Variants in RFX2 observed in about 807,000 individuals in gnomAD.
The protein encoded by RFX2 is DNA-binding protein RFX2.
In RFX2, 20 loss-of-function variants were observed where a neutral mutation model predicts 87.8. The observed-to-expected ratio is 0.23, with a 90% CI of 0.16 to 0.33. RFX2 has a LOEUF of 0.33. RFX2 is among the 10% of genes least tolerant of loss of function. The probability of loss-of-function intolerance (pLI) is 1.00; values close to 1 mark genes in which losing one functional copy is unlikely to be tolerated. For missense variants in RFX2, 767 were observed against 1,012.3 expected, an observed-to-expected ratio of 0.76 and a Z score of 3.29; for synonymous variants, 397 against 431.3, an observed-to-expected ratio of 0.92 and a Z score of 0.98.
At position 6,010,854 on chromosome 19, in the gene RFX2, C is replaced by T. The variant is rs1040134000; in HGVS notation, c.900-603G>A. Among the ~76,000 whole-genome samples, 9 of 152,206 alleles carry T rather than the reference C, an allele frequency of 5.9e-5. No individual in the cohort carries two copies. Among genetic ancestry groups the T allele is most frequent in the African/African-American group, 1.2e-4 (5 of 41,440 alleles). ...ATTCTTGGCCGGGCGCAGGGGCTCA[C>T]GCCTGTAATCCCAGTGCTTTGGGAG... On this transcript the variant is annotated intron_variant, in intron 8 of 17. Coordinates refer to ENST00000303657, the MANE Select transcript of RFX2 (RefSeq NM_000635.4). This position sits in a 1 kb window ranked among gnomAD's most constrained non-coding sequence, Gnocchi z 5.0.
intron 1 of RFX2, among the ~76,000 whole-genome samples, chr19:6,075,405 G>T (rs1408977675): frequency 6.6e-6 from 1 of 152,182 alleles, no homozygotes; most frequent in Non-Finnish European, 1.5e-5. Flanking sequence ...CAATCTGACA[G>T]ATATTTTGGA....
chr19:6,079,223 T>C (rs2087741872), intron 1 of RFX2, among the ~76,000 whole-genome samples: 1 of 152,232 alleles, frequency 6.6e-6, no homozygotes. Context: ...TTAGTGTACT[T>C]GGTCTAGAGT....
chr19:6,059,381 G>A (rs949331240), intron 1 of RFX2, among the ~76,000 whole-genome samples: 1 of 152,106 alleles, frequency 6.6e-6, no homozygotes, highest in Non-Finnish European at 1.5e-5. Context: ...ACCAAATTCA[G>A]GGTGAATTTT....
chr19:6,097,484 A>C (rs1022904518), intron 1 of RFX2, among the ~76,000 whole-genome samples: 6 of 152,206 alleles, frequency 3.9e-5, no homozygotes, highest in Admixed American at 2.6e-4. Flanking sequence ...CGTGATCATC[A>C]TTCCAATTCC....
At chr19:6,079,547 G>C (rs1283930579) in intron 1 of RFX2, among the ~76,000 whole-genome samples, 1 of 152,214 alleles carries the variant, frequency 6.6e-6, no homozygotes, top group Non-Finnish European at 1.5e-5. Context: ...ACTACAGAGA[G>C]AGGTTGGACT....
chr19:6,023,153 G>A lies in RFX2; in HGVS notation c.597+3010C>T, dbSNP rs544574124. On this transcript the variant is annotated intron_variant, in intron 6 of 17. Transcript: ENST00000303657. The surrounding 1 kb of genome is among the most constrained non-coding windows in gnomAD (Gnocchi z 4.9). ...TCTGACGTCACCAGCTGGCAGCAAG[G>A]AAGAGGCGCACAGGCCCTGCTGCTG... The A allele has an allele frequency of 6.5e-6, 1 of 152,732 alleles. No homozygotes were observed. The highest frequency in any genetic ancestry group is 2.1e-4 in the South Asian group (1 of 4,836). 9.5% of individuals were successfully genotyped at this position (152,732 alleles called of 1,614,324 possible). A position where few individuals can be genotyped will look rare whatever the true frequency, so the allele number is the denominator to read the frequency against.
chr19:5,997,990 G>T lies in RFX2; in HGVS notation c.1860-777C>A, dbSNP rs1456514922. 6.6e-6 allele frequency among the ~76,000 whole-genome samples: 1 copy of T among 152,072 alleles called. No homozygotes were observed. On this transcript the variant is annotated intron_variant, in intron 15 of 17. Coordinates refer to ENST00000303657, the MANE Select transcript of RFX2 (RefSeq NM_000635.4). This position sits in a 1 kb window ranked among gnomAD's most constrained non-coding sequence, Gnocchi z 4.2. Reference sequence around the variant, plus strand: ...TACCTGGTTCTTTCTGGGAGAGGCGGCCCCTGACCTAAAGGATCAGTATAA... The same window carrying T: ...TACCTGGTTCTTTCTGGGAGAGGCGTCCCCTGACCTAAAGGATCAGTATAA...
Position 6,044,215 on chromosome 19 carries a change from C to T in RFX2, c.158G>A (p.Arg53Lys). ...TACCTGCTGGGGTACCTGCTGAACT[C>T]TGGGGAGGGAGATCGGCTGCATCTG... is the stretch of plus-strand genomic sequence containing the variant. ...GAQMQPISLP[R>K]VQQVPQQVQP... The change falls in exon 3 of 18, where the codon AGA becomes AAA. Residue 53 changes from arginine to lysine, a missense_variant. Around this residue, in one of 2 missense-constraint regions of RFX2, gnomAD observed 146 missense variants for 139.2 expected, o/e 1.05. Coordinates refer to ENST00000303657, the MANE Select transcript of RFX2 (RefSeq NM_000635.4). The surrounding 1 kb of genome is among the most constrained non-coding windows in gnomAD (Gnocchi z 5.3). The T allele has an allele frequency of 6.3e-7, 1 of 1,576,878 alleles. No homozygotes were observed. The highest frequency in any genetic ancestry group is 8.6e-7 in the Non-Finnish European group (1 of 1,161,752).
intron 1 of RFX2, among the ~76,000 whole-genome samples, chr19:6,060,765 T>C (rs1339433775): frequency 1.3e-5 from 2 of 151,842 alleles, no homozygotes; most frequent in African/African-American, 4.8e-5. Context: ...GTTTCATTTT[T>C]CCCCCTAATG....
Position 5,997,889 on chromosome 19 carries a change from T to C in RFX2, c.1860-676A>G, listed in dbSNP as rs900750982. Among the ~76,000 whole-genome samples the C allele has an allele frequency of 3.3e-5, 5 of 152,200 alleles. No homozygotes were observed. Among genetic ancestry groups the C allele is most frequent in the African/African-American group, 7.2e-5 (3 of 41,448 alleles). On this transcript the variant is annotated intron_variant, in intron 15 of 17. Transcript: ENST00000303657. This position sits in a 1 kb window ranked among gnomAD's most constrained non-coding sequence, Gnocchi z 4.2. ...TGGAAATTACATGAAATTCACATTT[T>C]GGTGTCCACAGACAGTTTCACTGGC...
In RFX2 at chr19:5,997,317, G is replaced by C; in HGVS notation, c.1860-104C>G. Reference sequence around the variant, plus strand: ...ACACACCCCCTGCTCTACGTTCCCTGGGGAACCCAGAGGCTGAGTGATCCT... The same window carrying C: ...ACACACCCCCTGCTCTACGTTCCCTCGGGAACCCAGAGGCTGAGTGATCCT... On this transcript the variant is annotated intron_variant, in intron 15 of 17. Coordinates refer to ENST00000303657, the MANE Select transcript of RFX2 (RefSeq NM_000635.4). This position sits in a 1 kb window ranked among gnomAD's most constrained non-coding sequence, Gnocchi z 4.2. The C allele has an allele frequency of 7.7e-7, 1 of 1,294,100 alleles. No individual in the cohort carries two copies. Among genetic ancestry groups the C allele is most frequent in the Non-Finnish European group, 1.0e-6 (1 of 966,414 alleles). The allele number at this position is 1,294,100 out of a possible 1,614,324, so 80.2% of individuals were successfully genotyped here.
chr19:6,108,194 T>G (rs2088250763), intron 1 of RFX2, among the ~76,000 whole-genome samples: 1 of 152,222 alleles, frequency 6.6e-6, no homozygotes, highest in East Asian at 1.9e-4. Context: ...GTACCACGCC[T>G]GTTGATGAAG....
chr19:6,033,784 TAACA>T (rs749096455), intron 5 of RFX2, among the ~76,000 whole-genome samples: 2 of 151,808 alleles, frequency 1.3e-5, no homozygotes, highest in Non-Finnish European at 1.5e-5. Flanking sequence ...GCAACAAATG[TAACA>T]AACAAACAAC....
chr19:6,037,265 C>A (rs1212209057), intron 5 of RFX2, among the ~76,000 whole-genome samples: 6 of 138,240 alleles, frequency 4.3e-5, no homozygotes, highest in Non-Finnish European at 9.2e-5. Context: ...GCCTGGGCGA[C>A]AGAGAGAGAC....
In RFX2 at chr19:6,044,628, GCC is replaced by G. The variant is rs1241741271; in HGVS notation, c.91-348_91-347del. Among the ~76,000 whole-genome samples, 2 of 152,208 alleles carry G rather than the reference GCC, an allele frequency of 1.3e-5. No individual in the cohort carries two copies. Among genetic ancestry groups the G allele is most frequent in the Non-Finnish European group, 2.9e-5 (2 of 68,032 alleles). On this transcript the variant is annotated intron_variant, in intron 2 of 17. Coordinates refer to ENST00000303657, the MANE Select transcript of RFX2 (RefSeq NM_000635.4). This position sits in a 1 kb window ranked among gnomAD's most constrained non-coding sequence, Gnocchi z 5.3. Reference sequence around the variant, plus strand: ...CACCTTCACCCGCCCAGGCAGCTTTGCCTCTGTGGGTCTGTAGTCTGCAGCAA... The same window carrying G: ...CACCTTCACCCGCCCAGGCAGCTTTGTCTGTGGGTCTGTAGTCTGCAGCAA...
intron 6 of RFX2, among the ~76,000 whole-genome samples, chr19:6,025,835 G>C (rs951098352): frequency 6.7e-6 from 1 of 148,890 alleles, no homozygotes; most frequent in African/African-American, 2.5e-5. Context: ...GCCCAGGCTG[G>C]ACTGCAGTGG....
At position 6,033,143 on chromosome 19, in the gene RFX2, GGACC is replaced by G. The variant is rs2086972158; in HGVS notation, c.522+6833_522+6836del. Among the ~76,000 whole-genome samples the G allele has an allele frequency of 2.0e-5, 3 of 152,136 alleles. No individual in the cohort carries two copies. The South Asian group carries it at 6.2e-4, about 32-fold the overall frequency. On this transcript the variant is annotated intron_variant, in intron 5 of 17. Transcript: ENST00000303657. ...CAGGCATCAGCCACCACACTCAGCA[GGACC>G]GATTCTTACAGAGCCACTGCGCACT...
chr19:6,104,915 C>T (rs1169146713), intron 1 of RFX2, among the ~76,000 whole-genome samples: 3 of 152,000 alleles, frequency 2.0e-5, no homozygotes, highest in East Asian at 1.9e-4. Flanking sequence ...GTCAGGAGAT[C>T]GAGACCATCT....
chr19:5,996,148 C>T (rs1006735598), intron 16 of RFX2, among the ~76,000 whole-genome samples: 3 of 152,174 alleles, frequency 2.0e-5, no homozygotes, highest in South Asian at 2.1e-4. Context: ...GCAGGGACCC[C>T]GCCATTCATC....
Sources: gnomAD v4.1 joint callset for allele counts (sites outside exome capture counted in the v4.1 genomes callset) on GRCh38, gnomAD v4.1.1 for gene constraint, gnomAD v4.1.1 regional missense constraint, Gnocchi (gnomAD v3.1) non-coding constraint, MANE v1.5 for transcripts, NCBI Gene and HGNC (gene_info 2026-07-23, HGNC 2026-07-21) for gene names.